The following ADK variants were observed in gnomAD, a reference collection of about 807,000 sequenced individuals.
The protein encoded by ADK is adenosine kinase, also known as N6,N6-dimethyladenosine kinase.
In ADK, 24 loss-of-function variants were observed where a neutral mutation model predicts 44.7. That is an observed-to-expected ratio of 0.54 (90% CI 0.39 to 0.76). The LOEUF (loss-of-function observed/expected upper bound fraction) is 0.76, where lower values mean the gene tolerates loss of function less well. Ranked by LOEUF, ADK falls within the 30% of genes least tolerant of loss-of-function variation. The pLI, the probability that ADK is intolerant of heterozygous loss-of-function variation, is 0.00. For synonymous variants in ADK, 128 were observed against 142.6 expected, an observed-to-expected ratio of 0.90 and a Z score of 0.73; for missense variants, 321 against 425.1, an observed-to-expected ratio of 0.76 and a Z score of 2.15.
At chr10:74,384,435 C>T (rs185965457) in intron 4 of ADK, among the ~76,000 whole-genome samples, 3 of 152,034 alleles carry the variant, frequency 2.0e-5, no homozygotes, top group African/African-American at 7.2e-5. Context: ...TTTGGGAGGC[C>T]GAGGTGGATG....
intron 6 of ADK, among the ~76,000 whole-genome samples, chr10:74,455,803 C>A (rs1458599510): frequency 6.6e-6 from 1 of 152,126 alleles, no homozygotes; most frequent in African/African-American, 2.4e-5. Context: ...AAATTCTTTT[C>A]TTTAAGAATA....
intron 10 of ADK, among the ~76,000 whole-genome samples, chr10:74,672,085 T>A (rs1235289517): frequency 6.6e-6 from 1 of 152,206 alleles, no homozygotes; most frequent in Non-Finnish European, 1.5e-5. Flanking sequence ...CAATTGGGAT[T>A]TTTTTGTTAG....
At chr10:74,695,122 A>G (rs1856128992) in intron 10 of ADK, among the ~76,000 whole-genome samples, 1 of 152,154 alleles carries the variant, frequency 6.6e-6, no homozygotes, top group South Asian at 2.1e-4. Context: ...ATGCCAACAA[A>G]CACTGCATTT....
chr10:74,456,510 T>C (rs1412522742), intron 6 of ADK, among the ~76,000 whole-genome samples: 4 of 151,020 alleles, frequency 2.6e-5, no homozygotes, highest in Admixed American at 6.6e-5. Flanking sequence ...CTACTAAAAA[T>C]AGAAAAATTA....
chr10:74,637,893 G>C (rs1175283197), intron 9 of ADK, among the ~76,000 whole-genome samples: 1 of 152,122 alleles, frequency 6.6e-6, no homozygotes, highest in Non-Finnish European at 1.5e-5. Flanking sequence ...TGTGGTGATG[G>C]CTTCATGAGT....
chr10:74,176,362 C>A, intron 1 of ADK: 1 of 724,806 alleles, frequency 1.4e-6, no homozygotes, highest in Non-Finnish European at 1.7e-6. Flanking sequence ...ATGGATTTTG[C>A]AGGCTGTTAA....
intron 8 of ADK, among the ~76,000 whole-genome samples, chr10:74,591,599 G>C (rs1247585509): frequency 1.3e-5 from 2 of 152,110 alleles, no homozygotes; most frequent in Non-Finnish European, 2.9e-5. Context: ...CAGAGCATAG[G>C]TTTGAAACTT....
intron 4 of ADK, among the ~76,000 whole-genome samples, chr10:74,323,167 C>G (rs1840876877): frequency 6.6e-6 from 1 of 152,148 alleles, no homozygotes; most frequent in Non-Finnish European, 1.5e-5. Flanking sequence ...GGATAAAACT[C>G]TATTCCTTTT....
At chr10:74,490,463 C>A (rs1420779879) in intron 6 of ADK, among the ~76,000 whole-genome samples, 1 of 152,070 alleles carries the variant, frequency 6.6e-6, no homozygotes, top group Non-Finnish European at 1.5e-5. Context: ...TTTTTACATT[C>A]TCTATATGTA....
chr10:74,193,244 CT>C (rs929609279), intron 1 of ADK, among the ~76,000 whole-genome samples: 16 of 150,446 alleles, frequency 1.1e-4, no homozygotes, highest in East Asian at 3.9e-4. Context: ...TTAGTGTTTT[CT>C]TTTTTTTTCT....
At chr10:74,255,660 A>G (rs1379797794) in intron 3 of ADK, among the ~76,000 whole-genome samples, 1 of 152,216 alleles carries the variant, frequency 6.6e-6, no homozygotes, top group Admixed American at 6.5e-5. Context: ...TGAAAGAAAA[A>G]TTAGTTCAAT....
intron 6 of ADK, among the ~76,000 whole-genome samples, chr10:74,414,473 C>T (rs774410184): frequency 6.6e-6 from 1 of 152,110 alleles, no homozygotes; most frequent in South Asian, 2.1e-4. Context: ...TGGTGGCTCA[C>T]GCCTGTAATC....
chr10:74,496,474 T>C (rs1847691517), intron 6 of ADK, among the ~76,000 whole-genome samples: 1 of 152,226 alleles, frequency 6.6e-6, no homozygotes, highest in African/African-American at 2.4e-5. Context: ...CCTGCCACCT[T>C]GTGAAGAGGT....
intron 6 of ADK, among the ~76,000 whole-genome samples, chr10:74,467,046 C>T (rs1436394102): frequency 6.6e-6 from 1 of 151,796 alleles, no homozygotes; most frequent in Non-Finnish European, 1.5e-5. Context: ...TTGTATGATA[C>T]AGAAGGAAAA....
chr10:74,168,335 C>T (rs1265467051), intron 1 of ADK, among the ~76,000 whole-genome samples: 1 of 151,838 alleles, frequency 6.6e-6, no homozygotes, highest in African/African-American at 2.4e-5. Flanking sequence ...GTCAGGAGAT[C>T]GAGACCATCC....
At chr10:74,430,978 A>G (rs1193656007) in intron 6 of ADK, among the ~76,000 whole-genome samples, 1 of 149,488 alleles carries the variant, frequency 6.7e-6, no homozygotes, top group African/African-American at 2.5e-5. Context: ...AGCATGGGGA[A>G]CTATTAAGAG....
At chr10:74,166,569 G>A (rs886203343) in intron 1 of ADK, among the ~76,000 whole-genome samples, 1 of 151,496 alleles carries the variant, frequency 6.6e-6, no homozygotes, top group African/African-American at 2.4e-5. Context: ...TTCTGCCCAC[G>A]TTGGCTACTC....
intron 6 of ADK, among the ~76,000 whole-genome samples, chr10:74,478,357 C>T (rs1167169202): frequency 1.3e-5 from 2 of 152,178 alleles, no homozygotes; most frequent in African/African-American, 4.8e-5. Context: ...GTGTCAGGGA[C>T]TCCAGGCATG....
At chr10:74,671,679 C>G (rs539974470) in intron 10 of ADK, among the ~76,000 whole-genome samples, 9 of 152,270 alleles carry the variant, frequency 5.9e-5, no homozygotes, top group Non-Finnish European at 1.2e-4. Context: ...TAAGAAAACC[C>G]TAGTGATTTC....
Sources: allele counts gnomAD v4.1 joint callset (sites outside exome capture counted in the v4.1 genomes callset), GRCh38; gene constraint gnomAD v4.1.1; transcripts MANE v1.5; gene names NCBI Gene and HGNC (gene_info 2026-07-23, HGNC 2026-07-21).